TLL1: variants seen among roughly 807,000 people sequenced by gnomAD.
TLL1 encodes the protein tolloid-like protein 1.
Under a neutral mutation model 128.2 loss-of-function variants are expected in TLL1, and 49 were observed. That is an observed-to-expected ratio of 0.38 (90% CI 0.30 to 0.48). The LOEUF (loss-of-function observed/expected upper bound fraction) is 0.48. TLL1 is among the 20% of genes least tolerant of loss of function. The pLI is 0.96. For synonymous variants in TLL1, 454 were observed against 418.8 expected, an observed-to-expected ratio of 1.08 and a Z score of -1.03; for missense variants, 1,123 against 1,242.0, an observed-to-expected ratio of 0.90 and a Z score of 1.44.
intron 6 of TLL1, among the ~76,000 whole-genome samples, chr4:166,004,952 G>A (rs75908222): frequency 0.014 from 2,071 of 151,362 alleles, 45 homozygotes; most frequent in African/African-American, 0.048. Flanking sequence ...GTGGTGGCGG[G>A]GGGGTGCCTG....
In TLL1 at chr4:166,100,111, G is replaced by A. The variant is rs76045183; in HGVS notation, c.2907+584G>A. 3.3e-5 allele frequency among the ~76,000 whole-genome samples: 5 copies of A among 152,160 alleles called. No homozygotes were observed. In the East Asian group the frequency reaches 9.7e-4, roughly 30 times the overall value. The stretch of plus-strand genomic sequence containing the variant: ...AAAAGAAAAACATAAGGTTTTCTCA[G>A]TGCTTTTCCTCCAGGATTCACTGCA... On this transcript the variant is annotated intron_variant, in intron 20 of 20. Transcript: ENST00000061240.
At chr4:165,954,745 C>T (rs1734696718) in intron 1 of TLL1, among the ~76,000 whole-genome samples, 1 of 152,018 alleles carries the variant, frequency 6.6e-6, no homozygotes, top group African/African-American at 2.4e-5. Context: ...TGACTGCACT[C>T]AATATAAACT....
intron 1 of TLL1, among the ~76,000 whole-genome samples, chr4:165,962,991 G>T (rs192424618): frequency 3.0e-4 from 41 of 136,644 alleles, no homozygotes; most frequent in Admixed American, 9.0e-4. Flanking sequence ...GGAGGCGGAG[G>T]TTATAGTGAG....
rs554461974 is a variant in TLL1 at position 165,911,976 on chromosome 4, C to T, written c.169+37903C>T. On this transcript the variant is annotated intron_variant, in intron 1 of 20. Transcript: ENST00000061240. ...CTGCAAGCTCTGCCTCCCGGGTTCACGCCATTCTCCTGCCTCAGCCTCCCG... is the reference window on the plus strand; with the variant it reads ...CTGCAAGCTCTGCCTCCCGGGTTCATGCCATTCTCCTGCCTCAGCCTCCCG... Among the ~76,000 whole-genome samples, 28 of 152,048 alleles carry T rather than the reference C, an allele frequency of 1.8e-4. No individual in the cohort carries two copies. In the East Asian group the frequency reaches 3.5e-3, roughly 19 times the overall value.
Position 165,994,424 on chromosome 4 carries a change from A to G in TLL1, c.405A>G (p.Gln135=), listed in dbSNP as rs1736771513. The part of the protein sequence containing the change: ...NNTVKGKVPL[Q]FSGQNEKNRV... ...CAGTTAAGGGAAAAGTACCTCTACA[A>G]TTCTCAGGGCAAAATGAGAAAAATC... Residue 135 remains glutamine, a synonymous_variant, in exon 4 of 21, where the codon CAA becomes CAG. Coordinates refer to ENST00000061240, the MANE Select transcript of TLL1 (RefSeq NM_012464.5). The G allele has an allele frequency of 1.9e-6, 3 of 1,613,936 alleles. No individual in the cohort carries two copies. Among genetic ancestry groups the G allele is most frequent in the Admixed American group, 1.7e-5 (1 of 59,988 alleles).
At chr4:166,051,918 C>A (rs987582122) in intron 12 of TLL1, among the ~76,000 whole-genome samples, 5 of 152,028 alleles carry the variant, frequency 3.3e-5, no homozygotes, top group Non-Finnish European at 5.9e-5. Flanking sequence ...GAATTTAACC[C>A]TATAATTAGC....
chr4:165,960,851 TCATACTGAACAGGC>T (rs1426144779), intron 1 of TLL1, among the ~76,000 whole-genome samples: 2 of 151,932 alleles, frequency 1.3e-5, no homozygotes, highest in Non-Finnish European at 2.9e-5. Context: ...AGAGCCAACA[TCATACTGAACAGGC>T]CATACTGAAC....
At chr4:165,962,908 A>G (rs1180136474) in intron 1 of TLL1, among the ~76,000 whole-genome samples, 2 of 151,300 alleles carry the variant, frequency 1.3e-5, no homozygotes, top group Non-Finnish European at 2.9e-5. Flanking sequence ...TACAAAAATT[A>G]GCTAGGCATG....
intron 1 of TLL1, among the ~76,000 whole-genome samples, chr4:165,973,634 T>C (rs1735731545): frequency 6.6e-6 from 1 of 152,070 alleles, no homozygotes; most frequent in African/African-American, 2.4e-5. Context: ...ATTGCAGCAC[T>C]ATCCTTAACA....
At chr4:165,883,748 C>A (rs1438695013) in intron 1 of TLL1, among the ~76,000 whole-genome samples, 3 of 152,132 alleles carry the variant, frequency 2.0e-5, no homozygotes, top group Non-Finnish European at 4.4e-5. Flanking sequence ...AAAAACATTT[C>A]ATATCTCAAG....
At chr4:166,042,357 G>A (rs977866296) in intron 11 of TLL1, among the ~76,000 whole-genome samples, 1 of 152,182 alleles carries the variant, frequency 6.6e-6, no homozygotes, top group Non-Finnish European at 1.5e-5. Context: ...ATATCTAAAT[G>A]TGTTCAGGAT....
Position 166,039,397 on chromosome 4 carries a change from A to G in TLL1, c.1217A>G (p.Tyr406Cys), listed in dbSNP as rs1164351836. The G allele has an allele frequency of 6.2e-7, 1 of 1,613,318 alleles. No individual in the cohort carries two copies. Among genetic ancestry groups the G allele is most frequent in the Non-Finnish European group, 8.5e-7 (1 of 1,179,586 alleles). Residue 406 changes from tyrosine to cysteine, a missense_variant, in exon 10 of 21, where the codon TAT becomes TGT. Around this residue, in one of 3 missense-constraint regions of TLL1, gnomAD observed 480 missense variants for 542.4 expected, o/e 0.89. Transcript: ENST00000061240. ...LYKSSLCWYD[Y>C]IEVRDGYWRK... is the part of the protein sequence containing the mutation. ...AAGAGTAGTTTGTGCTGGTATGACT[A>G]TATTGAAGTAAGAGACGGGTACTGG...
intron 9 of TLL1, among the ~76,000 whole-genome samples, chr4:166,026,792 G>GA (rs1738518084): frequency 6.6e-6 from 1 of 152,084 alleles, no homozygotes; most frequent in Non-Finnish European, 1.5e-5. Flanking sequence ...TAACATTTGG[G>GA]AAAAAAATTT....
intron 18 of TLL1, among the ~76,000 whole-genome samples, chr4:166,078,786 A>G (rs1451505458): frequency 1.3e-5 from 2 of 152,182 alleles, no homozygotes; most frequent in African/African-American, 4.8e-5. Context: ...GGCAGTGCCA[A>G]CTAACAAGGC....
chr4:165,974,203 G>C (rs1469923110), intron 1 of TLL1, among the ~76,000 whole-genome samples: 2 of 126,572 alleles, frequency 1.6e-5, no homozygotes, highest in Non-Finnish European at 3.2e-5. Flanking sequence ...TGCAGTGGCG[G>C]GATCTCGGCT....
At chr4:165,903,982 C>T (rs1732133949) in intron 1 of TLL1, among the ~76,000 whole-genome samples, 1 of 151,840 alleles carries the variant, frequency 6.6e-6, no homozygotes, top group Non-Finnish European at 1.5e-5. Context: ...CTCATTTAGT[C>T]TTTTTATATT....
At chr4:166,038,238 C>T (rs564524368) in intron 9 of TLL1, among the ~76,000 whole-genome samples, 1 of 151,852 alleles carries the variant, frequency 6.6e-6, no homozygotes, top group African/African-American at 2.4e-5. Context: ...GCCTTTCTTT[C>T]TTCTTTTTTT....
chr4:166,077,765 A>G (rs1406961742), intron 17 of TLL1, 138 bp from the exon 18 acceptor site: 6 of 1,132,620 alleles, frequency 5.3e-6, no homozygotes, highest in Middle Eastern at 2.9e-4. Flanking sequence ...GATGAATATA[A>G]TAACCGACAC....
intron 1 of TLL1, among the ~76,000 whole-genome samples, chr4:165,875,291 A>G (rs1366291101): frequency 1.3e-5 from 2 of 152,130 alleles, no homozygotes; most frequent in African/African-American, 2.4e-5. Context: ...GGCCTGGAGG[A>G]AGGAGAGGTG....
Sources: allele counts gnomAD v4.1 joint callset (sites outside exome capture counted in the v4.1 genomes callset), GRCh38; gene constraint gnomAD v4.1.1; regional missense constraint gnomAD v4.1.1; transcripts MANE v1.5; gene names NCBI Gene and HGNC (gene_info 2026-07-23, HGNC 2026-07-21).